The following CRYBG1 variants were observed in gnomAD, a reference collection of about 807,000 sequenced individuals.
CRYBG1 encodes the protein crystallin beta-gamma domain containing 1.
CRYBG1 carries 139 observed loss-of-function variants against 189.2 expected under a neutral mutation model. The observed-to-expected ratio is 0.73, with a 90% CI of 0.64 to 0.85. CRYBG1 has a LOEUF of 0.85. Among genes scored for constraint, CRYBG1 ranks in the 40% least tolerant of loss-of-function variants. The pLI, the probability that CRYBG1 is intolerant of heterozygous loss-of-function variation, is 0.00. For missense variants in CRYBG1, 2,611 were observed against 2,675.8 expected, an observed-to-expected ratio of 0.98 and a Z score of 0.53; for synonymous variants, 1,023 against 1,017.1, an observed-to-expected ratio of 1.01 and a Z score of -0.11.
chr6:106,485,692 G>C (rs184864445), intron 2 of CRYBG1, among the ~76,000 whole-genome samples: 1 of 152,258 alleles, frequency 6.6e-6, no homozygotes, highest in African/African-American at 2.4e-5. Flanking sequence ...GTATCATGAA[G>C]GGATGTTAAA....
intron 1 of CRYBG1, among the ~76,000 whole-genome samples, chr6:106,383,691 A>G (rs916604518): frequency 1.4e-4 from 21 of 152,260 alleles, no homozygotes; most frequent in Non-Finnish European, 2.6e-4. Context: ...AATGTATCAT[A>G]TGATATGTCA....
At chr6:106,389,479 T>C (rs1770458063) in intron 1 of CRYBG1, among the ~76,000 whole-genome samples, 1 of 152,154 alleles carries the variant, frequency 6.6e-6, no homozygotes, top group Non-Finnish European at 1.5e-5. Context: ...CATAGTAGTG[T>C]TCCAAAATTT....
chr6:106,508,390 T>C (rs536543470), intron 2 of CRYBG1, among the ~76,000 whole-genome samples: 1 of 152,354 alleles, frequency 6.6e-6, no homozygotes, highest in East Asian at 1.9e-4. Flanking sequence ...TTTTGAAAGA[T>C]AAGTACTCAT....
chr6:106,405,555 C>T (rs1357069442), intron 1 of CRYBG1, among the ~76,000 whole-genome samples: 2 of 152,252 alleles, frequency 1.3e-5, no homozygotes, highest in African/African-American at 4.8e-5. Flanking sequence ...ACTGTCTCCT[C>T]AAGTGGGTCC....
chr6:106,498,536 A>G (rs1489308221), intron 2 of CRYBG1, among the ~76,000 whole-genome samples: 1 of 152,178 alleles, frequency 6.6e-6, no homozygotes, highest in African/African-American at 2.4e-5. Flanking sequence ...AATAATATAA[A>G]TGAACAACTG....
intron 3 of CRYBG1, among the ~76,000 whole-genome samples, chr6:106,517,955 C>T (rs1246796115): frequency 6.6e-6 from 1 of 152,014 alleles, no homozygotes; most frequent in African/African-American, 2.4e-5. Flanking sequence ...CTCTCTTGCC[C>T]AAGAAGTGGT....
In CRYBG1 at chr6:106,520,559, C is replaced by T. The variant is rs374531349; in HGVS notation, c.3351C>T (p.Ser1117=). 6.8e-6 allele frequency: 11 copies of T among 1,613,956 alleles called. No homozygotes were observed. Among genetic ancestry groups the T allele is most frequent in the South Asian group, 3.3e-5 (3 of 91,080 alleles). The part of the protein sequence containing the change: ...KFTEIIKQMD[S]AVCMPMKRKK... Reference sequence around the variant, plus strand: ...CTGAAATTATAAAACAGATGGATAGCGCAGTTTGTATGCCCATGAAAAGAA... The same window carrying T: ...CTGAAATTATAAAACAGATGGATAGTGCAGTTTGTATGCCCATGAAAAGAA... Residue 1117 remains serine, a synonymous_variant, in exon 4 of 22, where the codon AGC becomes AGT. Transcript: ENST00000633556.
At chr6:106,451,939 A>C (rs1160894278) in intron 2 of CRYBG1, 107 bp downstream of exon 2, 2 of 742,824 alleles carry the variant, frequency 2.7e-6, no homozygotes, top group Admixed American at 8.2e-5. Context: ...GTAATGGTAT[A>C]TATTGTATAT....
intron 1 of CRYBG1, among the ~76,000 whole-genome samples, chr6:106,389,757 T>C (rs1770465483): frequency 6.6e-6 from 1 of 152,044 alleles, no homozygotes; most frequent in Non-Finnish European, 1.5e-5. Flanking sequence ...ATGGATATAC[T>C]TATATATAAT....
chr6:106,511,535 A>G lies in CRYBG1; in HGVS notation c.418A>G (p.Ser140Gly). The G allele has an allele frequency of 1.3e-6, 2 of 1,535,782 alleles. No individual in the cohort carries two copies. Among genetic ancestry groups the G allele is most frequent in the Non-Finnish European group, 1.7e-6 (2 of 1,146,628 alleles). Residue 140 changes from serine (S) to glycine (G), a missense_variant, in exon 3 of 22, where the codon AGT becomes GGT. Ser to Gly is a moderately conservative substitution (Grantham distance 56). Transcript: ENST00000633556. ...AAGAAACAGTAGAAACGGGTTAGAG[A>G]GTCCCACCAGATCAAATGCCAAACC... ...RRRNSRNGLE[S>G]PTRSNAKPLS...
intron 2 of CRYBG1, among the ~76,000 whole-genome samples, chr6:106,489,963 CCTAAAATGT>C (rs1458076521): frequency 3.9e-5 from 6 of 151,952 alleles, no homozygotes. Flanking sequence ...AGATTAAATG[CCTAAAATGT>C]CTAAAATGTG....
intron 1 of CRYBG1, among the ~76,000 whole-genome samples, chr6:106,439,236 T>G (rs935437656): frequency 2.6e-5 from 4 of 152,146 alleles, no homozygotes; most frequent in Non-Finnish European, 4.4e-5. Flanking sequence ...GCCTTTATTC[T>G]TCCCTTTTAA....
chr6:106,507,796 TTACTC>T (rs1215122698), intron 2 of CRYBG1, among the ~76,000 whole-genome samples: 1 of 152,200 alleles, frequency 6.6e-6, no homozygotes, highest in African/African-American at 2.4e-5. Flanking sequence ...ACTGAGGACT[TTACTC>T]AGGAGGTATG....
At chr6:106,514,057 C>T (rs1350780023) in intron 3 of CRYBG1, among the ~76,000 whole-genome samples, 1 of 152,164 alleles carries the variant, frequency 6.6e-6, no homozygotes. Context: ...ATGAAACTGC[C>T]AAACGAATGT....
chr6:106,568,372 T>G, intron 21 of CRYBG1, 100 bp from the exon 22 acceptor site: 1 of 934,692 alleles, frequency 1.1e-6, no homozygotes, highest in Non-Finnish European at 1.7e-6. Context: ...ACACCTTGTT[T>G]ACTTGCTTAC....
intron 1 of CRYBG1, among the ~76,000 whole-genome samples, chr6:106,429,875 C>T (rs895856448): frequency 1.3e-5 from 2 of 152,178 alleles, no homozygotes; most frequent in African/African-American, 2.4e-5. Context: ...GTAGTTATTA[C>T]TATTAAACTA....
At chr6:106,492,002 C>T (rs140017684) in intron 2 of CRYBG1, among the ~76,000 whole-genome samples, 148 of 152,290 alleles carry the variant, frequency 9.7e-4, no homozygotes, top group African/African-American at 3.5e-3. Flanking sequence ...GTCTGTTCCC[C>T]TCACCCAGAA....
intron 2 of CRYBG1, among the ~76,000 whole-genome samples, chr6:106,458,927 A>G (rs909623741): frequency 6.6e-6 from 1 of 152,230 alleles, no homozygotes; most frequent in African/African-American, 2.4e-5. Context: ...ACACAGGTTC[A>G]CAAGTTGGGC....
At chr6:106,558,442 T>C in intron 17 of CRYBG1, 44 bp from the exon 18 acceptor site, 1 of 1,450,500 alleles carries the variant, frequency 6.9e-7, no homozygotes, top group Non-Finnish European at 9.4e-7. Flanking sequence ...GTTTGAATTA[T>C]TAACAAAGAT....
Sources: allele counts gnomAD v4.1 joint callset (sites outside exome capture counted in the v4.1 genomes callset), GRCh38; gene constraint gnomAD v4.1.1; transcripts MANE v1.5; gene names NCBI Gene and HGNC (gene_info 2026-07-23, HGNC 2026-07-21).